Variants in DOCK9 observed in about 807,000 individuals in gnomAD.
DOCK9 encodes dedicator of cytokinesis 9, also known as dedicator of cytokinesis protein 9.
In DOCK9, 89 loss-of-function variants were observed where a neutral mutation model predicts 263.3. The ratio of observed to expected loss-of-function variants is 0.34; its 90% confidence interval spans 0.28 to 0.40. The LOEUF is 0.40. DOCK9 is among the 10% of genes least tolerant of loss of function. The pLI is 1.00. For missense variants in DOCK9, 2,140 were observed against 2,603.4 expected (o/e 0.82, Z 3.87); for synonymous variants, 976 against 973.1 (o/e 1.00, Z -0.06).
At chr13:98,849,986 C>T in intron 36 of DOCK9, 61 bp downstream of exon 36, 1 of 1,231,568 alleles carries the variant, frequency 8.1e-7, no homozygotes, top group Non-Finnish European at 1.2e-6. Context: ...TAGTATTCTT[C>T]AAGCCTCTTA....
chr13:98,949,980 G>T, intron 2 of DOCK9: 2 of 493,564 alleles, frequency 4.1e-6, no homozygotes, highest in South Asian at 1.6e-5. Flanking sequence ...CTTGACCTTG[G>T]CTTGTTCATG....
chr13:98,930,079 C>A, intron 3 of DOCK9, 89 bp downstream of exon 3: 1 of 1,205,548 alleles, frequency 8.3e-7, no homozygotes, highest in Non-Finnish European at 1.2e-6. Context: ...CCTTTTGACA[C>A]TTCCTTGACA....
At chr13:98,921,925 C>T in intron 6 of DOCK9, 126 bp downstream of exon 6, 2 of 839,272 alleles carry the variant, frequency 2.4e-6, no homozygotes, top group Non-Finnish European at 3.8e-6. Flanking sequence ...GGGGAGCATC[C>T]TAGGAATCAG....
chr13:98,858,973 T>C (rs867002088), intron 33 of DOCK9: 3 of 152,226 alleles, frequency 2.0e-5, no homozygotes, highest in African/African-American at 4.8e-5. Flanking sequence ...CCAACCACCA[T>C]ACACTTTGTA....
chr13:98,841,185 T>C (rs1452762750), intron 38 of DOCK9, among the ~76,000 whole-genome samples: 3 of 152,188 alleles, frequency 2.0e-5, no homozygotes, highest in Non-Finnish European at 1.5e-5. Context: ...AAAACAAATA[T>C]GCTCAGAATG....
upstream of DOCK9, among the ~76,000 whole-genome samples, chr13:98,980,883 A>G (rs1314071510): frequency 1.3e-5 from 2 of 152,000 alleles, no homozygotes; most frequent in South Asian, 2.1e-4. Flanking sequence ...AAGTTTTTCT[A>G]TATTTTTCAA....
chr13:98,844,964 A>G (rs1207816983), intron 38 of DOCK9, among the ~76,000 whole-genome samples: 2 of 152,240 alleles, frequency 1.3e-5, no homozygotes, highest in African/African-American at 2.4e-5. Flanking sequence ...AGATAAAACA[A>G]TAACTAGCTG....
intron 18 of DOCK9, among the ~76,000 whole-genome samples, chr13:98,886,839 G>C (rs1188049618): frequency 6.6e-6 from 1 of 152,014 alleles, no homozygotes; most frequent in East Asian, 1.9e-4. Flanking sequence ...GCCCTTCCAG[G>C]TCACAGCCCT....
chr13:99,038,211 T>C (rs1400858065), intron 1 of DOCK9, among the ~76,000 whole-genome samples: 2 of 150,842 alleles, frequency 1.3e-5, no homozygotes, highest in Non-Finnish European at 3.0e-5. Context: ...ATTCAGACTC[T>C]AAAGTTATCA....
rs9582264 is a variant in DOCK9 at position 98,807,876 on chromosome 13, C to A, written c.5368-69G>T. On this transcript the variant is annotated intron_variant, in intron 47 of 52. Coordinates refer to ENST00000682017, the MANE Select transcript of DOCK9 (RefSeq NM_001366683.2). ...CAGGGCTTACCACCTAGGAAGCGTT[C>A]TTTTATTACAAGGGGGAAAAAAAGG... 4.6e-3 allele frequency: 6,065 copies of A among 1,305,362 alleles called. 250 individuals are homozygous for A. The African/African-American group carries it at 0.078, about 17-fold the overall frequency. 80.9% of individuals were successfully genotyped at this position (1,305,362 alleles called of 1,614,324 possible).
intron 2 of DOCK9, among the ~76,000 whole-genome samples, chr13:98,954,579 C>A (rs1268234589): frequency 6.6e-6 from 1 of 152,210 alleles, no homozygotes; most frequent in Admixed American, 6.5e-5. Flanking sequence ...TTCCAAGGAA[C>A]AGCACCCACA....
chr13:98,872,671 G>C (rs1456126925), intron 27 of DOCK9, among the ~76,000 whole-genome samples: 3 of 152,116 alleles, frequency 2.0e-5, no homozygotes. Context: ...CCTCCAAAGT[G>C]CTGGGATTAC....
rs575176494 is a variant in DOCK9, at chr13:98,947,117, A to G, written c.243+8318T>C. Among the ~76,000 whole-genome samples the G allele has an allele frequency of 9.4e-4, 143 of 152,278 alleles. 1 individual carries two copies. Among genetic ancestry groups the G allele is most frequent in the Non-Finnish European group, 1.7e-3 (115 of 68,020 alleles). On this transcript the variant is annotated intron_variant, in intron 2 of 52. Transcript: ENST00000682017. ...GCTGACAGCACTTGAGTGTTCCACT[A>G]AACTCTCAAATAATACTGCCACAGT... is the stretch of plus-strand genomic sequence containing the variant.
rs369795262 is a variant in DOCK9 at position 98,881,916 on chromosome 13, T to G, written c.2651A>C (p.Glu884Ala). ...CCGAGTCACGTTAACCGCGACTTCTTCCTGTGTGGCTCTGGTGAGGACTCG... is the reference window on the plus strand; with the variant it reads ...CCGAGTCACGTTAACCGCGACTTCTGCCTGTGTGGCTCTGGTGAGGACTCG... ...LFRVLTRATQ[E>A]EVAVNVTRVI... The change falls in exon 24 of 53, where the codon GAA becomes GCA. Residue 884 changes from glutamate to alanine, a missense_variant. Around this residue, in one of 2 missense-constraint regions of DOCK9, gnomAD observed 1,521 missense variants for 1,741.7 expected, o/e 0.87. Transcript: ENST00000682017. 38 of 1,590,588 alleles carry G rather than the reference T, an allele frequency of 2.4e-5. No homozygotes were observed. Among genetic ancestry groups the G allele is most frequent in the Non-Finnish European group, 3.1e-5 (36 of 1,168,370 alleles).
rs73568471 is a variant in DOCK9, at chr13:98,977,924, G to T, written c.-15C>A. 6.4e-7 allele frequency: 1 copy of T among 1,568,968 alleles called. No homozygotes were observed. Among genetic ancestry groups the T allele is most frequent in the East Asian group, 2.3e-5 (1 of 42,832 alleles). ...TCAGCCTGCATTCTCGGCTGAAAAC[G>T]CAAGTCAGAAAGTCTGCAACTGGAA... On this transcript the variant is annotated 5_prime_UTR_variant, in exon 1 of 53. Coordinates refer to ENST00000682017, the MANE Select transcript of DOCK9 (RefSeq NM_001366683.2).
chr13:99,053,911 T>C (rs1001239846), intron 1 of DOCK9, among the ~76,000 whole-genome samples: 3 of 152,002 alleles, frequency 2.0e-5, no homozygotes, highest in African/African-American at 4.8e-5. Flanking sequence ...TAATCTTGCA[T>C]TGAAAAAAAA....
intron 1 of DOCK9, among the ~76,000 whole-genome samples, chr13:99,072,194 G>A (rs75189693): frequency 0.027 from 4,125 of 152,176 alleles, 85 homozygotes; most frequent in Non-Finnish European, 0.039. Flanking sequence ...TAACAATGAC[G>A]GTATCCTTCA....
chr13:98,900,857 C>A (rs573383222), intron 13 of DOCK9, among the ~76,000 whole-genome samples: 1 of 152,168 alleles, frequency 6.6e-6, no homozygotes, highest in Non-Finnish European at 1.5e-5. Flanking sequence ...GATGCATGGG[C>A]GCCCATAGAG....
At position 99,001,902 on chromosome 13, in the gene DOCK9, C is replaced by A. The variant is rs543375174; in HGVS notation, c.130-46351G>T. Among the ~76,000 whole-genome samples, 15 of 152,306 alleles carry A rather than the reference C, an allele frequency of 9.8e-5. No individual in the cohort carries two copies. The South Asian group carries it at 3.1e-3, about 32-fold the overall frequency. On this transcript the variant is annotated intron_variant, in intron 1 of 32. Coordinates refer to the DOCK9 transcript ENST00000427887. ...CAAGAATGTTAGGGCCCTATGAAAGCTGGATCTGTCCTTGACCTGAAAGTT... is the reference window on the plus strand; with the variant it reads ...CAAGAATGTTAGGGCCCTATGAAAGATGGATCTGTCCTTGACCTGAAAGTT...
Sources: gnomAD v4.1 joint callset for allele counts (sites outside exome capture counted in the v4.1 genomes callset) on GRCh38, gnomAD v4.1.1 for gene constraint, gnomAD v4.1.1 regional missense constraint, MANE v1.5 for transcripts, NCBI Gene and HGNC (gene_info 2026-07-23, HGNC 2026-07-21) for gene names.